Variants in MYH10 observed in about 807,000 individuals in gnomAD.
MYH10 encodes myosin heavy chain 10, also known as myosin-10.
A neutral mutation model predicts 257.8 loss-of-function variants in MYH10; 55 were observed. That is an observed-to-expected ratio of 0.21 (90% confidence interval 0.17 to 0.27). The LOEUF is 0.27. Ranked by LOEUF, MYH10 falls within the 10% of genes least tolerant of loss-of-function variation. The pLI is 1.00. For synonymous variants in MYH10, 854 were observed against 921.7 expected (o/e 0.93, Z 1.33); for missense variants, 1,631 against 2,500.6 (o/e 0.65, Z 7.42).
chr17:8,592,816 G>A (rs1417479078), intron 3 of MYH10, among the ~76,000 whole-genome samples: 297 of 30,268 alleles, frequency 9.8e-3, no homozygotes, highest in East Asian at 0.016. Flanking sequence ...AATGAAATCA[G>A]AAAAAAAAAA....
rs1912346661 is a variant in MYH10 at position 8,475,254 on chromosome 17, C to CT, written c.*549dup. ...TCCGATCCAGCCCACCCCTCCTACT[C>CT]TTTCCAAAGCCCCTTTCACAGTTTG... On this transcript the variant is annotated 3_prime_UTR_variant, in exon 43 of 43. Coordinates refer to ENST00000360416, the MANE Select transcript of MYH10 (RefSeq NM_001256012.3). The CT allele has an allele frequency of 2.0e-5, 3 of 153,238 alleles. No individual in the cohort carries two copies. Among genetic ancestry groups the CT allele is most frequent in the Non-Finnish European group, 4.4e-5 (3 of 68,750 alleles). 9.5% of individuals were successfully genotyped at this position (153,238 alleles called of 1,614,324 possible).
intron 7 of MYH10, among the ~76,000 whole-genome samples, chr17:8,568,398 G>A (rs1179897141): frequency 2.0e-5 from 3 of 152,122 alleles, no homozygotes; most frequent in Non-Finnish European, 4.4e-5. Flanking sequence ...CTGTGATCCT[G>A]AATCTGGTCG....
At chr17:8,622,414 T>A (rs1262505038) in intron 2 of MYH10, among the ~76,000 whole-genome samples, 1 of 152,172 alleles carries the variant, frequency 6.6e-6, no homozygotes, top group Non-Finnish European at 1.5e-5. Flanking sequence ...CCTAATTGTT[T>A]CCTCTTAAAA....
At chr17:8,618,945 T>C (rs1410020953) in intron 2 of MYH10, among the ~76,000 whole-genome samples, 1 of 152,216 alleles carries the variant, frequency 6.6e-6, no homozygotes, top group Admixed American at 6.5e-5. Flanking sequence ...GACAGGCTCG[T>C]TTTGTTCATT....
At chr17:8,573,483 T>C (rs755245332) in intron 6 of MYH10, among the ~76,000 whole-genome samples, 103 of 152,266 alleles carry the variant, frequency 6.8e-4, no homozygotes, top group Middle Eastern at 3.4e-3. Context: ...GGGAGACAAG[T>C]GGGCTGGCTT....
intron 36 of MYH10, among the ~76,000 whole-genome samples, chr17:8,485,457 CT>C (rs138894418): frequency 0.013 from 1,578 of 121,148 alleles, 15 homozygotes; most frequent in African/African-American, 0.037. Context: ...CCCAAGCTGG[CT>C]TTTTTTTTTT....
chr17:8,561,177 A>G, intron 7 of MYH10: 1 of 674,706 alleles, frequency 1.5e-6, no homozygotes, highest in South Asian at 1.6e-5. Context: ...ACAAAGGAGA[A>G]ATGGGAGAAA....
chr17:8,548,594 T>C, intron 10 of MYH10, 50 bp downstream of exon 10: 1 of 1,595,362 alleles, frequency 6.3e-7, no homozygotes, highest in Non-Finnish European at 8.6e-7. Flanking sequence ...ACCCCAGATG[T>C]ATAAGTCTTA....
chr17:8,582,185 G>A (rs2083729146), intron 4 of MYH10, among the ~76,000 whole-genome samples: 1 of 152,190 alleles, frequency 6.6e-6, no homozygotes, highest in Non-Finnish European at 1.5e-5. Flanking sequence ...AAAAAACAAT[G>A]AGAAATGGCA....
At chr17:8,562,861 G>A (rs965454634) in intron 7 of MYH10, among the ~76,000 whole-genome samples, 2 of 152,268 alleles carry the variant, frequency 1.3e-5, no homozygotes, top group South Asian at 2.1e-4. Context: ...ATACCCTGAA[G>A]AAAATAAAAT....
At position 8,480,120 on chromosome 17, in the gene MYH10, G is replaced by T; in HGVS notation, c.5587C>A (p.Gln1863Lys). The change falls in exon 40 of 43, where the codon CAG becomes AAG. Residue 1863 changes from glutamine (Q) to lysine (K), a missense_variant. Physicochemically the swap from Gln to Lys is moderately conservative, Grantham distance 53. Transcript: ENST00000360416. ...KIGQLEEQLEQEAKERAAANK... is the reference protein window; with the variant it reads ...KIGQLEEQLEKEAKERAAANK... Reference sequence around the variant, plus strand: ...GCAAAAACCTCTTACTTGGCTTCCTGCTCAAGCTGCTCCTCCAGCTGCCCA... The same window carrying T: ...GCAAAAACCTCTTACTTGGCTTCCTTCTCAAGCTGCTCCTCCAGCTGCCCA... 1.9e-6 allele frequency: 3 copies of T among 1,614,102 alleles called. No individual in the cohort carries two copies. The South Asian group carries it at 3.3e-5, about 18-fold the overall frequency.
intron 6 of MYH10, chr17:8,573,926 A>C: frequency 1.0e-5 from 5 of 484,194 alleles, no homozygotes; most frequent in Non-Finnish European, 1.3e-5. Context: ...GGATATGGAG[A>C]AACTGGAACT....
At chr17:8,495,865 G>A (rs946971149) in intron 30 of MYH10, among the ~76,000 whole-genome samples, 2 of 151,860 alleles carry the variant, frequency 1.3e-5, no homozygotes, top group East Asian at 3.9e-4. Flanking sequence ...GCTTGCTACC[G>A]CGCCCGTCTA....
At chr17:8,532,595 C>T (rs1197837254) in intron 16 of MYH10, among the ~76,000 whole-genome samples, 1 of 152,204 alleles carries the variant, frequency 6.6e-6, no homozygotes, top group Non-Finnish European at 1.5e-5. Flanking sequence ...ATACCTACAG[C>T]TTCTGACCTA....
chr17:8,565,564 T>C (rs918886862), intron 7 of MYH10, among the ~76,000 whole-genome samples: 3 of 152,202 alleles, frequency 2.0e-5, no homozygotes, highest in Non-Finnish European at 4.4e-5. Context: ...TTTAAAGATA[T>C]CTCTGTTTCT....
chr17:8,572,696 G>A (rs2083388604), intron 6 of MYH10, among the ~76,000 whole-genome samples: 1 of 152,050 alleles, frequency 6.6e-6, no homozygotes, highest in Non-Finnish European at 1.5e-5. Flanking sequence ...CATGGTAATG[G>A]TGGACTCAGG....
chr17:8,604,863 A>G lies in MYH10; in HGVS notation c.465T>C (p.Tyr155=), dbSNP rs1461141738. Reference sequence around the variant, plus strand: ...ATCTGTAAGCAGATTCAGATATAGCATAGATGTGTGGAGGCATCTCATGAC... The same window carrying G: ...ATCTGTAAGCAGATTCAGATATAGCGTAGATGTGTGGAGGCATCTCATGAC... ...KKRHEMPPHI[Y]AISESAYRCM... is the part of the protein sequence containing the mutation. Residue 155 remains tyrosine, a synonymous_variant, in exon 3 of 43, where the codon TAT becomes TAC. Transcript: ENST00000360416. 1.2e-6 allele frequency: 2 copies of G among 1,603,704 alleles called. No individual in the cohort carries two copies. The highest frequency in any genetic ancestry group is 1.7e-6 in the Non-Finnish European group (2 of 1,174,650).
intron 28 of MYH10, among the ~76,000 whole-genome samples, chr17:8,501,994 T>C (rs987796952): frequency 6.6e-6 from 1 of 152,234 alleles, no homozygotes; most frequent in African/African-American, 2.4e-5. Context: ...TGATGAAGAC[T>C]GAAGCCAGTC....
At position 8,499,568 on chromosome 17, in the gene MYH10, C is replaced by T. The variant is rs998350941; in HGVS notation, c.3745-92G>A. The T allele has an allele frequency of 3.5e-5, 39 of 1,108,982 alleles. No homozygotes were observed. In the African/African-American group the frequency reaches 6.8e-4, roughly 19 times the overall value. 68.7% of individuals were successfully genotyped at this position (1,108,982 alleles called of 1,614,324 possible). On this transcript the variant is annotated intron_variant, in intron 29 of 42. Coordinates refer to ENST00000360416, the MANE Select transcript of MYH10 (RefSeq NM_001256012.3). ...TTTGAGTCTGCAGAATTGTGCCTAACACACAGTGAGTCTGTAGTCAACATC... is the reference window on the plus strand; with the variant it reads ...TTTGAGTCTGCAGAATTGTGCCTAATACACAGTGAGTCTGTAGTCAACATC...
Sources: allele counts gnomAD v4.1 joint callset (sites outside exome capture counted in the v4.1 genomes callset), GRCh38; gene constraint gnomAD v4.1.1; transcripts MANE v1.5; gene names NCBI Gene and HGNC (gene_info 2026-07-23, HGNC 2026-07-21).